CSMD1: variants seen among roughly 807,000 people sequenced by gnomAD.
CSMD1 encodes CUB and sushi domain-containing protein 1.
A neutral mutation model predicts 417.5 loss-of-function variants in CSMD1; 213 were observed. That is an observed-to-expected ratio of 0.51 (90% confidence interval 0.46 to 0.57). CSMD1 has a LOEUF of 0.57. Among genes scored for constraint, CSMD1 ranks in the 20% least tolerant of loss-of-function variants. The probability of loss-of-function intolerance (pLI) is 0.00; values close to 1 mark genes in which losing one functional copy is unlikely to be tolerated. For synonymous variants in CSMD1, 2,862 were observed against 1,736.8 expected (o/e 1.65, Z -16.11); for missense variants, 6,923 against 4,529.7 (o/e 1.53, Z -15.17).
At chr8:3,029,256 C>CA (rs1273761255) in intron 51 of CSMD1, 63 bp downstream of exon 51, 1 of 1,391,274 alleles carries the variant, frequency 7.2e-7, no homozygotes, top group Non-Finnish European at 9.8e-7. Context: ...TCACCACTGA[C>CA]ATAAGCCATC....
At chr8:4,567,486 T>C (rs1040054630) in intron 2 of CSMD1, among the ~76,000 whole-genome samples, 7 of 152,172 alleles carry the variant, frequency 4.6e-5, no homozygotes, top group Non-Finnish European at 8.8e-5. Context: ...AATTCCAATG[T>C]ACTACTTCTT....
chr8:3,569,562 A>G (rs6558798), intron 10 of CSMD1, among the ~76,000 whole-genome samples: 151,300 of 152,332 alleles, frequency 0.99, 75,146 homozygotes, highest in Middle Eastern at 1. Flanking sequence ...AAATTGAAGT[A>G]TGCAAATTCT....
At chr8:3,879,893 C>T (rs1182751516) in intron 5 of CSMD1, among the ~76,000 whole-genome samples, 5 of 151,992 alleles carry the variant, frequency 3.3e-5, no homozygotes, top group Middle Eastern at 6.8e-3. Context: ...GTTGTATTCA[C>T]GTTTTTATCC....
At chr8:4,694,025 G>T (rs898675406) in intron 1 of CSMD1, among the ~76,000 whole-genome samples, 6 of 152,104 alleles carry the variant, frequency 3.9e-5, no homozygotes, top group Non-Finnish European at 8.8e-5. Flanking sequence ...TAAGCCAAAG[G>T]GAAAAGTCAA....
intron 3 of CSMD1, among the ~76,000 whole-genome samples, chr8:4,360,025 C>T (rs924184806): frequency 6.6e-6 from 1 of 152,190 alleles, no homozygotes; most frequent in Non-Finnish European, 1.5e-5. Flanking sequence ...CAGCTCTCTT[C>T]CCTGTCCCCA....
chr8:4,664,334 C>T (rs2617023), intron 1 of CSMD1, among the ~76,000 whole-genome samples: 76,417 of 151,892 alleles, frequency 0.5, 19,593 homozygotes, highest in Admixed American at 0.62. Context: ...CTGAGGCGGG[C>T]GGATCACTTG....
intron 3 of CSMD1, among the ~76,000 whole-genome samples, chr8:4,150,273 A>C (rs1192557951): frequency 6.6e-6 from 1 of 152,150 alleles, no homozygotes; most frequent in African/African-American, 2.4e-5. Flanking sequence ...CCCTTTCCCC[A>C]GATGTAGAAG....
chr8:4,960,211 G>A (rs1421937750), intron 1 of CSMD1, among the ~76,000 whole-genome samples: 1 of 152,044 alleles, frequency 6.6e-6, no homozygotes, highest in African/African-American at 2.4e-5. Context: ...TCTTGATCTA[G>A]GACACTCAGA....
chr8:3,441,854 A>C (rs1429768929), intron 12 of CSMD1, among the ~76,000 whole-genome samples: 1 of 152,088 alleles, frequency 6.6e-6, no homozygotes, highest in Admixed American at 6.6e-5. Flanking sequence ...ATTAAAAAAA[A>C]ATCACTGTAA....
chr8:4,453,344 TG>T (rs1272639133), intron 2 of CSMD1, among the ~76,000 whole-genome samples: 1 of 152,130 alleles, frequency 6.6e-6, no homozygotes, highest in African/African-American at 2.4e-5. Context: ...GGGAACCAAC[TG>T]CCCCAGTCTG....
intron 3 of CSMD1, among the ~76,000 whole-genome samples, chr8:4,265,043 C>T (rs947463510): frequency 7.9e-5 from 12 of 152,092 alleles, no homozygotes; most frequent in African/African-American, 2.9e-4. Flanking sequence ...TTGCTGAGGT[C>T]AGATTTGCCT....
chr8:3,713,911 C>T (rs1390119405), intron 6 of CSMD1, among the ~76,000 whole-genome samples: 1 of 151,890 alleles, frequency 6.6e-6, no homozygotes, highest in African/African-American at 2.4e-5. Flanking sequence ...TTATCAATGC[C>T]TCTTCCAGGC....
intron 10 of CSMD1, among the ~76,000 whole-genome samples, chr8:3,564,836 GAAAAA>G (rs1466381781): frequency 2.6e-5 from 4 of 151,942 alleles, no homozygotes; most frequent in African/African-American, 4.8e-5. Flanking sequence ...CTCAGTTTAT[GAAAAA>G]AGTTGCAACT....
At chr8:3,798,893 T>TA (rs1389614076) in intron 5 of CSMD1, among the ~76,000 whole-genome samples, 4 of 152,080 alleles carry the variant, frequency 2.6e-5, no homozygotes, top group Admixed American at 6.6e-5. Context: ...GTCAAGTTTA[T>TA]AGGTGCAAAA....
intron 5 of CSMD1, among the ~76,000 whole-genome samples, chr8:3,924,860 C>G (rs955667656): frequency 1.3e-5 from 2 of 152,148 alleles, no homozygotes; most frequent in East Asian, 1.9e-4. Context: ...TTCAAAAATT[C>G]TCATTTCTTT....
At chr8:3,305,975 C>G (rs745967237) in intron 25 of CSMD1, among the ~76,000 whole-genome samples, 1 of 152,098 alleles carries the variant, frequency 6.6e-6, no homozygotes, top group Non-Finnish European at 1.5e-5. Context: ...CCACTGCACC[C>G]GGCCCCACAG....
At chr8:4,759,636 C>T (rs1298187992) in intron 1 of CSMD1, among the ~76,000 whole-genome samples, 2 of 152,128 alleles carry the variant, frequency 1.3e-5, no homozygotes, top group Non-Finnish European at 2.9e-5. Context: ...CATTGCTCAA[C>T]TCCCACTTAT....
intron 1 of CSMD1, among the ~76,000 whole-genome samples, chr8:4,949,992 G>C (rs1260099197): frequency 6.6e-6 from 1 of 151,976 alleles, no homozygotes; most frequent in African/African-American, 2.4e-5. Context: ...TATCTAATTG[G>C]TCACGACTAT....
chr8:3,984,820 A>G (rs1814196901), intron 5 of CSMD1, among the ~76,000 whole-genome samples: 1 of 148,566 alleles, frequency 6.7e-6, no homozygotes, highest in Non-Finnish European at 1.5e-5. Flanking sequence ...AAAAAACTAG[A>G]GGGAATGGAA....
Sources: allele counts gnomAD v4.1 joint callset (sites outside exome capture counted in the v4.1 genomes callset), GRCh38; gene constraint gnomAD v4.1.1; transcripts MANE v1.5; gene names NCBI Gene and HGNC (gene_info 2026-07-23, HGNC 2026-07-21).